Variants in CNGB3 observed in about 807,000 individuals in gnomAD.
CNGB3 encodes cyclic nucleotide-gated channel beta-3.
A neutral mutation model predicts 92.8 loss-of-function variants in CNGB3; 86 were observed. The observed-to-expected ratio is 0.93, with a 90% CI of 0.78 to 1.11. The LOEUF (loss-of-function observed/expected upper bound fraction) is 1.11. Among genes scored for constraint, CNGB3 ranks in the 50% least tolerant of loss-of-function variants. The pLI, the probability that CNGB3 is intolerant of heterozygous loss-of-function variation, is 0.00. For missense variants in CNGB3, 1,026 were observed against 956.8 expected, an observed-to-expected ratio of 1.07 and a Z score of -0.95; for synonymous variants, 333 against 332.7, an observed-to-expected ratio of 1.00 and a Z score of -0.01.
At chr8:86,635,983 T>C (rs1466907204) in intron 10 of CNGB3, among the ~76,000 whole-genome samples, 1 of 150,746 alleles carries the variant, frequency 6.6e-6, no homozygotes, top group African/African-American at 2.4e-5. Flanking sequence ...TAACATGCAA[T>C]TTCCCCCAAT....
At position 86,580,147 on chromosome 8, in the gene CNGB3, C is replaced by T. The variant is rs181959673; in HGVS notation, c.1782-895G>A. On this transcript the variant is annotated intron_variant, in intron 15 of 17. Coordinates refer to ENST00000320005, the MANE Select transcript of CNGB3 (RefSeq NM_019098.5). Reference sequence around the variant, plus strand: ...GCAAGGAAGTGCCACACTTTAAAACCATCAGCTCTCCTGGGAACTCACTCA... The same window carrying T: ...GCAAGGAAGTGCCACACTTTAAAACTATCAGCTCTCCTGGGAACTCACTCA... Among the ~76,000 whole-genome samples the T allele has an allele frequency of 1.2e-3, 167 of 143,316 alleles. 2 individuals are homozygous for T. The highest frequency in any genetic ancestry group is 2.1e-3 in the Non-Finnish European group (141 of 66,648). 94.0% of individuals were successfully genotyped at this position (143,316 alleles called of 152,430 possible). A position where few individuals can be genotyped will look rare whatever the true frequency, so the allele number is the denominator to read the frequency against.
At chr8:86,728,182 A>T (rs1401011244) in intron 2 of CNGB3, among the ~76,000 whole-genome samples, 1 of 152,178 alleles carries the variant, frequency 6.6e-6, no homozygotes, top group Non-Finnish European at 1.5e-5. Flanking sequence ...GAAAGAAAAA[A>T]CAATTCTCCA....
intron 3 of CNGB3, among the ~76,000 whole-genome samples, chr8:86,686,242 C>T (rs1563754039): frequency 6.6e-6 from 1 of 151,994 alleles, no homozygotes; most frequent in Non-Finnish European, 1.5e-5. Context: ...ATTCAAATAG[C>T]CTAGTTTCTG....
At chr8:86,638,366 G>GTTA (rs1392608154) in intron 10 of CNGB3, among the ~76,000 whole-genome samples, 6 of 152,066 alleles carry the variant, frequency 3.9e-5, no homozygotes, top group Non-Finnish European at 8.8e-5. Flanking sequence ...GTAACCCCAT[G>GTTA]TTATCCTAAC....
At chr8:86,610,604 T>G (rs1470867101) in intron 14 of CNGB3, among the ~76,000 whole-genome samples, 1 of 144,284 alleles carries the variant, frequency 6.9e-6, no homozygotes, top group Non-Finnish European at 1.5e-5. Context: ...ATTTAACACA[T>G]TATTTTGAAA....
chr8:86,604,896 C>T (rs1433911078), intron 14 of CNGB3, among the ~76,000 whole-genome samples: 1 of 152,144 alleles, frequency 6.6e-6, no homozygotes, highest in Non-Finnish European at 1.5e-5. Flanking sequence ...GCTGTCAACA[C>T]TATTTAATAT....
At chr8:86,586,864 G>T in intron 15 of CNGB3, among the ~76,000 whole-genome samples, 1 of 130,762 alleles carries the variant, frequency 7.6e-6, no homozygotes, top group Non-Finnish European at 1.6e-5. Flanking sequence ...TAATGGGATG[G>T]CTGGGTCAAA....
chr8:86,591,754 A>G (rs1325034537), intron 15 of CNGB3, among the ~76,000 whole-genome samples: 2 of 152,196 alleles, frequency 1.3e-5, no homozygotes, highest in African/African-American at 4.8e-5. Flanking sequence ...GCTGTCAGAC[A>G]GGGACATTTA....
chr8:86,735,791 G>A (rs189365360), intron 2 of CNGB3, among the ~76,000 whole-genome samples: 66 of 152,284 alleles, frequency 4.3e-4, no homozygotes, highest in Non-Finnish European at 6.8e-4. Flanking sequence ...TTCAATGTAA[G>A]CTAACAAATT....
chr8:86,574,471 A>G lies in CNGB3; in HGVS notation c.*1333T>C, dbSNP rs1317780619. On this transcript the variant is annotated 3_prime_UTR_variant, in exon 18 of 18. Transcript: ENST00000320005. Reference sequence around the variant, plus strand: ...AGTAAAACTTGTTATATTTTGTGATACTCTAACACTACATGCAAAAACGGT... The same window carrying G: ...AGTAAAACTTGTTATATTTTGTGATGCTCTAACACTACATGCAAAAACGGT... The G allele has an allele frequency of 6.6e-6, 1 of 152,192 alleles. No homozygotes were observed. Among genetic ancestry groups the G allele is most frequent in the Non-Finnish European group, 1.5e-5 (1 of 68,024 alleles). 9.4% of individuals were successfully genotyped at this position (152,192 alleles called of 1,614,324 possible). A position where few individuals can be genotyped will look rare whatever the true frequency, so the allele number is the denominator to read the frequency against.
intron 1 of CNGB3, among the ~76,000 whole-genome samples, chr8:86,741,907 G>T (rs1195302414): frequency 6.6e-6 from 1 of 152,022 alleles, no homozygotes; most frequent in Non-Finnish European, 1.5e-5. Flanking sequence ...TTAAAGGGTT[G>T]ACTCAACTAA....
intron 10 of CNGB3, among the ~76,000 whole-genome samples, chr8:86,638,541 T>C (rs1206462837): frequency 6.6e-6 from 1 of 152,142 alleles, no homozygotes; most frequent in East Asian, 1.9e-4. Flanking sequence ...GTCCCTAGTT[T>C]CTGTAAACTT....
intron 3 of CNGB3, among the ~76,000 whole-genome samples, chr8:86,708,469 C>T (rs2131655831): frequency 6.6e-6 from 1 of 152,118 alleles, no homozygotes; most frequent in East Asian, 1.9e-4. Flanking sequence ...GCAATAGTTA[C>T]CAGAGTAGAG....
intron 15 of CNGB3, among the ~76,000 whole-genome samples, chr8:86,584,546 C>G (rs1296611659): frequency 6.6e-6 from 1 of 150,594 alleles, no homozygotes; most frequent in African/African-American, 2.4e-5. Flanking sequence ...TGCCCAAACT[C>G]TTTCAGCAAT....
At chr8:86,733,703 T>C (rs773226785) in intron 2 of CNGB3, among the ~76,000 whole-genome samples, 1 of 152,212 alleles carries the variant, frequency 6.6e-6, no homozygotes, top group Non-Finnish European at 1.5e-5. Context: ...AAGTCTTTAC[T>C]GCTTTTTGTA....
At chr8:86,606,760 G>T (rs1359951778) in intron 14 of CNGB3, among the ~76,000 whole-genome samples, 1 of 152,108 alleles carries the variant, frequency 6.6e-6, no homozygotes, top group Non-Finnish European at 1.5e-5. Flanking sequence ...TTTAACAATT[G>T]GCAGTCGAGG....
chr8:86,619,070 G>T (rs890068149), intron 13 of CNGB3, among the ~76,000 whole-genome samples: 1 of 152,208 alleles, frequency 6.6e-6, no homozygotes, highest in African/African-American at 2.4e-5. Flanking sequence ...TAGACATATT[G>T]TGCCTTCCTT....
intron 6 of CNGB3, among the ~76,000 whole-genome samples, chr8:86,657,139 T>C (rs1275001507): frequency 3.9e-5 from 6 of 152,200 alleles, no homozygotes; most frequent in Middle Eastern, 3.2e-3. Flanking sequence ...CCAGGCCTCC[T>C]GCAAATAAAT....
intron 2 of CNGB3, among the ~76,000 whole-genome samples, chr8:86,731,335 G>C (rs979645545): frequency 3.3e-5 from 5 of 152,054 alleles, no homozygotes; most frequent in African/African-American, 1.2e-4. Context: ...TCTTTGCATG[G>C]GGTCAAAACT....
Sources: allele counts gnomAD v4.1 joint callset (sites outside exome capture counted in the v4.1 genomes callset), GRCh38; gene constraint gnomAD v4.1.1; transcripts MANE v1.5; gene names NCBI Gene and HGNC (gene_info 2026-07-23, HGNC 2026-07-21).